MTHFD1L: variants seen among roughly 807,000 people sequenced by gnomAD.
MTHFD1L encodes methylenetetrahydrofolate dehydrogenase (NADP+ dependent) 1 like.
In MTHFD1L, 81 loss-of-function variants were observed where a neutral mutation model predicts 119.5. The observed-to-expected ratio is 0.68, with a 90% CI of 0.57 to 0.82. The LOEUF (loss-of-function observed/expected upper bound fraction) is 0.82. Ranked by LOEUF, MTHFD1L falls within the 40% of genes least tolerant of loss-of-function variation. MTHFD1L has a pLI of 0.00. For missense variants in MTHFD1L, 1,125 were observed against 1,253.4 expected (o/e 0.90, Z 1.55); for synonymous variants, 430 against 475.2 (o/e 0.90, Z 1.24).
intron 7 of MTHFD1L, among the ~76,000 whole-genome samples, chr6:150,893,532 C>T (rs1023288521): frequency 1.1e-4 from 16 of 152,190 alleles, no homozygotes; most frequent in Admixed American, 9.2e-4. Flanking sequence ...CTTTGACGGG[C>T]ATTTCTGTTG....
chr6:150,963,708 G>A (rs1796785736), intron 18 of MTHFD1L, among the ~76,000 whole-genome samples: 3 of 152,276 alleles, frequency 2.0e-5, no homozygotes, highest in African/African-American at 7.2e-5. Context: ...GTGGTAAAAT[G>A]GCACTGTTTT....
At chr6:151,004,864 A>G (rs1781170628) in intron 20 of MTHFD1L, among the ~76,000 whole-genome samples, 1 of 152,244 alleles carries the variant, frequency 6.6e-6, no homozygotes, top group Non-Finnish European at 1.5e-5. Context: ...TGCCAAGACA[A>G]ATAATTCTTA....
intron 24 of MTHFD1L, among the ~76,000 whole-genome samples, chr6:151,030,629 A>G (rs182346821): frequency 1.3e-5 from 2 of 152,330 alleles, no homozygotes; most frequent in Admixed American, 1.3e-4. Context: ...ATTCATGGAA[A>G]AAGTCTTCTG....
intron 8 of MTHFD1L, among the ~76,000 whole-genome samples, chr6:150,909,323 G>A (rs769038451): frequency 6.6e-6 from 1 of 150,504 alleles, no homozygotes; most frequent in Non-Finnish European, 1.5e-5. Flanking sequence ...GTCTTGCTCT[G>A]TTGCCCAGGC....
intron 8 of MTHFD1L, among the ~76,000 whole-genome samples, chr6:150,916,586 C>G (rs552604274): frequency 6.8e-6 from 1 of 147,044 alleles, no homozygotes; most frequent in Admixed American, 6.8e-5. Context: ...TACTCGGCCT[C>G]CTAGAGTCCT....
chr6:150,968,233 A>T (rs140950171), intron 19 of MTHFD1L, among the ~76,000 whole-genome samples: 1 of 152,072 alleles, frequency 6.6e-6, no homozygotes, highest in African/African-American at 2.4e-5. Flanking sequence ...CACCGAGATG[A>T]CAGCAAGACC....
At chr6:151,086,867 G>A (rs549417134) in intron 26 of MTHFD1L, among the ~76,000 whole-genome samples, 38 of 152,236 alleles carry the variant, frequency 2.5e-4, no homozygotes, top group Non-Finnish European at 3.8e-4. Flanking sequence ...GCCAGGCACC[G>A]TGTTAACAAT....
Position 151,039,161 on chromosome 6 carries a change from AG to A in MTHFD1L, c.2847+2046del, listed in dbSNP as rs1786660912. On this transcript the variant is annotated intron_variant, in intron 26 of 27. Coordinates refer to ENST00000367321, the MANE Select transcript of MTHFD1L (RefSeq NM_015440.5). This position sits in a 1 kb window ranked among gnomAD's most constrained non-coding sequence, Gnocchi z 4.4. ...CCGACTCCTAGCAGGGGTGCCTTCC[AG>A]GAGGCGGGAAGGAAGGAGCAGCGGC... Among the ~76,000 whole-genome samples, 1 of 152,148 alleles carries A rather than the reference AG, an allele frequency of 6.6e-6. No homozygotes were observed. Among genetic ancestry groups the A allele is most frequent in the African/African-American group, 2.4e-5 (1 of 41,440 alleles).
intron 26 of MTHFD1L, among the ~76,000 whole-genome samples, chr6:151,046,054 A>AATCCATTTGTG: frequency 6.6e-6 from 1 of 152,334 alleles, no homozygotes; most frequent in Middle Eastern, 3.4e-3. Flanking sequence ...TCTCTGGTAC[A>AATCCATTTGTG]TAAGGTTATC....
At chr6:151,007,901 A>G (rs1364912731) in intron 20 of MTHFD1L, among the ~76,000 whole-genome samples, 1 of 152,192 alleles carries the variant, frequency 6.6e-6, no homozygotes, top group African/African-American at 2.4e-5. Context: ...TTGTTCTGCC[A>G]CTTTGTTTGT....
intron 26 of MTHFD1L, among the ~76,000 whole-genome samples, chr6:151,049,243 G>A (rs1410652151): frequency 3.9e-5 from 6 of 152,204 alleles, no homozygotes; most frequent in Non-Finnish European, 8.8e-5. Flanking sequence ...AGTAATCCCG[G>A]CACTTTGGGA....
chr6:150,948,895 C>T (rs1157408015), intron 15 of MTHFD1L, 136 bp from the exon 16 acceptor site: 1 of 680,154 alleles, frequency 1.5e-6, no homozygotes, highest in African/African-American at 1.8e-5. Flanking sequence ...CCCACCTTGG[C>T]TTCCCAAAGT....
Position 150,882,751 on chromosome 6 carries a change from T to G in MTHFD1L, c.418-11T>G, listed in dbSNP as rs1583354811. 2 of 1,467,536 alleles carry G rather than the reference T, an allele frequency of 1.4e-6. No individual in the cohort carries two copies. The highest frequency in any genetic ancestry group is 1.8e-6 in the Non-Finnish European group (2 of 1,108,476). 90.9% of individuals were successfully genotyped at this position (1,467,536 alleles called of 1,614,324 possible). The stretch of plus-strand genomic sequence containing the variant: ...ACTAATTTTTATTTTGTTTTTTTGT[T>G]TTCTCTTTAGATTATAGATGAAATC... On this transcript the variant is annotated splice_polypyrimidine_tract_variant and intron_variant, in intron 4 of 27. Coordinates refer to ENST00000367321, the MANE Select transcript of MTHFD1L (RefSeq NM_015440.5).
chr6:150,883,876 G>C (rs1465604643), intron 5 of MTHFD1L, among the ~76,000 whole-genome samples: 2 of 152,178 alleles, frequency 1.3e-5, no homozygotes, highest in African/African-American at 2.4e-5. Flanking sequence ...TATAAAGTTA[G>C]ATTCCAGATC....
chr6:150,894,769 G>A (rs138727143), intron 7 of MTHFD1L, among the ~76,000 whole-genome samples: 13 of 152,270 alleles, frequency 8.5e-5, no homozygotes, highest in Non-Finnish European at 1.5e-4. Flanking sequence ...TTCTGTGGAC[G>A]CTGATTAGGT....
At chr6:151,099,831 T>C (rs967748030) in intron 27 of MTHFD1L, 1 of 1,601,302 alleles carries the variant, frequency 6.2e-7, no homozygotes, top group African/African-American at 1.3e-5. Context: ...TCGCTCACAA[T>C]GTTTCCTCCA....
chr6:150,950,718 G>A (rs1794725756), intron 16 of MTHFD1L, among the ~76,000 whole-genome samples: 2 of 152,182 alleles, frequency 1.3e-5, no homozygotes, highest in South Asian at 4.1e-4. Flanking sequence ...CACCTAGGCT[G>A]AAGTGCAGTG....
At chr6:150,866,231 T>G in intron 1 of MTHFD1L, 182 bp downstream of exon 1, 1 of 1,389,104 alleles carries the variant, frequency 7.2e-7, no homozygotes, top group Non-Finnish European at 9.3e-7. Context: ...CCGGGAGCGC[T>G]GGCGGAGAAC....
intron 20 of MTHFD1L, among the ~76,000 whole-genome samples, chr6:151,003,801 T>G (rs771175044): frequency 6.6e-6 from 1 of 152,096 alleles, no homozygotes; most frequent in East Asian, 1.9e-4. Flanking sequence ...GAATGCCATA[T>G]GTAGCAGACA....
Sources: allele counts gnomAD v4.1 joint callset (sites outside exome capture counted in the v4.1 genomes callset), GRCh38; gene constraint gnomAD v4.1.1; non-coding constraint Gnocchi (gnomAD v3.1); transcripts MANE v1.5; gene names NCBI Gene and HGNC (gene_info 2026-07-23, HGNC 2026-07-21).